LAMA3: variants seen among roughly 807,000 people sequenced by gnomAD.
LAMA3 encodes the protein laminin subunit alpha 3, also known as laminin subunit alpha-3.
A neutral mutation model predicts 402.0 loss-of-function variants in LAMA3; 281 were observed. That is an observed-to-expected ratio of 0.70 (90% CI 0.63 to 0.77). The LOEUF is 0.77. Ranked by LOEUF, LAMA3 falls within the 30% of genes least tolerant of loss-of-function variation. LAMA3 has a pLI of 0.00. For synonymous variants in LAMA3, 1,431 were observed against 1,558.4 expected (o/e 0.92, Z 1.93); for missense variants, 3,840 against 4,215.5 (o/e 0.91, Z 2.47).
chr18:23,877,317 A>C (rs140499102), intron 39 of LAMA3, among the ~76,000 whole-genome samples: 483 of 152,330 alleles, frequency 3.2e-3, no homozygotes, highest in Non-Finnish European at 5.5e-3. Context: ...ACCTAAAATT[A>C]GTTTCTTAGG....
At position 23,904,095 on chromosome 18, in the gene LAMA3, CA is replaced by C. The variant is rs768466906; in HGVS notation, c.6473+9del. 2 of 1,613,174 alleles carry C rather than the reference CA, an allele frequency of 1.2e-6. No homozygotes were observed. Among genetic ancestry groups the C allele is most frequent in the African/African-American group, 2.7e-5 (2 of 75,038 alleles). On this transcript the variant is annotated intron_variant, in intron 50 of 74. Transcript: ENST00000313654. ...GGCAAAGCAGCTGGAAGAGTGAGTG[CA>C]TGGCCCAGGAGACCAGAAGGGCACG...
In LAMA3 at chr18:23,954,486, T is replaced by G; in HGVS notation, c.9857-17T>G. 6.2e-7 allele frequency: 1 copy of G among 1,610,258 alleles called. No homozygotes were observed. The highest frequency in any genetic ancestry group is 8.5e-7 in the Non-Finnish European group (1 of 1,177,262). On this transcript the variant is annotated splice_polypyrimidine_tract_variant and intron_variant, in intron 74 of 74. Coordinates refer to ENST00000313654, the MANE Select transcript of LAMA3 (RefSeq NM_198129.4). ...GTATGAATTATTTACTGAATGCCTC[T>G]CCACTTTCTCTTTCAGCCAATTTGA... is the stretch of plus-strand genomic sequence containing the variant.
In LAMA3 at chr18:23,698,639, T is replaced by A. The variant is rs149508617; in HGVS notation, c.294+8662T>A. 3.4e-3 allele frequency among the ~76,000 whole-genome samples: 516 copies of A among 152,350 alleles called. 3 individuals carry two copies. The highest frequency in any genetic ancestry group is 0.012 in the African/African-American group (492 of 41,586). ...TCAACAGAGGCTGGAAGACTGACTT[T>A]TGAGGTGATTCTTAAAGTAGATTCC... is the stretch of plus-strand genomic sequence containing the variant. On this transcript the variant is annotated intron_variant, in intron 1 of 74. Coordinates refer to ENST00000313654, the MANE Select transcript of LAMA3 (RefSeq NM_198129.4).
intron 40 of LAMA3, among the ~76,000 whole-genome samples, chr18:23,882,811 T>G (rs1316591673): frequency 6.6e-6 from 1 of 152,120 alleles, no homozygotes; most frequent in East Asian, 1.9e-4. Context: ...CCTGTTCTCC[T>G]GGGGCTTGAC....
chr18:23,875,662 A>G (rs886137914), intron 38 of LAMA3, among the ~76,000 whole-genome samples: 2 of 152,128 alleles, frequency 1.3e-5, no homozygotes, highest in East Asian at 3.8e-4. Flanking sequence ...CCCACAACCC[A>G]CTACTCCTAC....
chr18:23,950,786 G>A (rs77792807), intron 72 of LAMA3, among the ~76,000 whole-genome samples: 1,858 of 152,254 alleles, frequency 0.012, 42 homozygotes, highest in African/African-American at 0.043. Context: ...AAAATTCCTA[G>A]AATACTTTCT....
At chr18:23,753,197 GA>G (rs1232669294) in intron 5 of LAMA3, among the ~76,000 whole-genome samples, 1 of 152,172 alleles carries the variant, frequency 6.6e-6, no homozygotes, top group Non-Finnish European at 1.5e-5. Context: ...CCTGTGCTAG[GA>G]AGTCTTCAGC....
intron 32 of LAMA3, among the ~76,000 whole-genome samples, chr18:23,848,129 A>G (rs1382236619): frequency 6.6e-6 from 1 of 152,164 alleles, no homozygotes; most frequent in Non-Finnish European, 1.5e-5. Context: ...CAGAGTCTGA[A>G]ATCCCACCTA....
At chr18:23,829,973 A>C (rs2063461324) in intron 23 of LAMA3, among the ~76,000 whole-genome samples, 1 of 152,216 alleles carries the variant, frequency 6.6e-6, no homozygotes, top group Non-Finnish European at 1.5e-5. Flanking sequence ...GTCTTCAAAA[A>C]ATGTGCCTCG....
In LAMA3 at chr18:23,908,907, A is replaced by C. The variant is rs77358044; in HGVS notation, c.7016-246A>C. Among the ~76,000 whole-genome samples the C allele has an allele frequency of 6.9e-3, 1,051 of 152,328 alleles. 18 individuals are homozygous for C. The highest frequency in any genetic ancestry group is 0.024 in the African/African-American group (998 of 41,578). ...CCAAACAGCACCCAATTCAAAACTT[A>C]TGAATTGCTTATTTCTGGAATTTTT... is the stretch of plus-strand genomic sequence containing the variant. On this transcript the variant is annotated intron_variant, in intron 54 of 74. Coordinates refer to ENST00000313654, the MANE Select transcript of LAMA3 (RefSeq NM_198129.4).
rs1257689793 is a variant in LAMA3 at position 23,904,065 on chromosome 18, G to C, written c.6451G>C (p.Glu2151Gln). The C allele has an allele frequency of 2.5e-6, 4 of 1,613,768 alleles. No individual in the cohort carries two copies. Among genetic ancestry groups the C allele is most frequent in the Non-Finnish European group, 3.4e-6 (4 of 1,180,050 alleles). ...AGAAAAGCACGCGCGGTCCTTACAA[G>C]AGCTGGCAAAGCAGCTGGAAGAGTG... is the stretch of plus-strand genomic sequence containing the variant. Reference protein sequence around the residue: ...EAEKHARSLQELAKQLEEIKR... With the variant: ...EAEKHARSLQQLAKQLEEIKR... The change falls in exon 50 of 75, where the codon GAG becomes CAG. Residue 2151 changes from glutamate to glutamine, a missense_variant. Around this residue, in one of 3 missense-constraint regions of LAMA3, gnomAD observed 891 missense variants for 857.5 expected, o/e 1.04. Transcript: ENST00000313654.
chr18:23,890,913 A>T (rs61332927), intron 42 of LAMA3, among the ~76,000 whole-genome samples: 84 of 152,364 alleles, frequency 5.5e-4, no homozygotes, highest in African/African-American at 1.9e-3. Context: ...ATGGAAATAT[A>T]GAAAGCATGC....
chr18:23,857,085 C>A (rs967884991), intron 32 of LAMA3, among the ~76,000 whole-genome samples: 4 of 152,218 alleles, frequency 2.6e-5, no homozygotes, highest in Non-Finnish European at 5.9e-5. Context: ...GGGTTCCCAG[C>A]AATCCCAGGA....
intron 48 of LAMA3, among the ~76,000 whole-genome samples, chr18:23,902,316 CA>C (rs2081099252): frequency 6.6e-6 from 1 of 151,686 alleles, no homozygotes; most frequent in African/African-American, 2.4e-5. Context: ...GCCTAGGCAA[CA>C]GAATGAGACC....
At chr18:23,820,134 C>A in intron 19 of LAMA3, 137 bp downstream of exon 19, 1 of 900,532 alleles carries the variant, frequency 1.1e-6, no homozygotes, top group Non-Finnish European at 1.8e-6. Context: ...TATGGGTTGG[C>A]ATTGGAGTTT....
At chr18:23,731,438 G>T (rs1293249547) in intron 2 of LAMA3, among the ~76,000 whole-genome samples, 1 of 152,186 alleles carries the variant, frequency 6.6e-6, no homozygotes, top group Non-Finnish European at 1.5e-5. Flanking sequence ...GGGGACTAAA[G>T]TGTGCTCTAC....
Position 23,899,065 on chromosome 18 carries a change from A to C in LAMA3, c.5836A>C (p.Ile1946Leu), listed in dbSNP as rs777930639. The change falls in exon 46 of 75, where the codon ATT becomes CTT. Residue 1946 changes from isoleucine to leucine, a missense_variant and splice_region_variant. By Grantham distance (5) the Ile-to-Leu change is conservative. Around this residue, in one of 3 missense-constraint regions of LAMA3, gnomAD observed 891 missense variants for 857.5 expected, o/e 1.04. Transcript: ENST00000313654. ...KIKNVIRNVH[I>L]LLKQISGTDG... Reference sequence around the variant, plus strand: ...TAAAAATGTCATCCGGAATGTGCACAGTAAGAAGAGTTATTAAGCCCAATT... The same window carrying C: ...TAAAAATGTCATCCGGAATGTGCACCGTAAGAAGAGTTATTAAGCCCAATT... The C allele has an allele frequency of 3.7e-6, 6 of 1,608,668 alleles. No homozygotes were observed. The South Asian group carries it at 6.6e-5, about 18-fold the overall frequency.
chr18:23,828,048 A>G (rs189309588), intron 23 of LAMA3, among the ~76,000 whole-genome samples: 22 of 152,312 alleles, frequency 1.4e-4, no homozygotes, highest in Non-Finnish European at 3.2e-4. Flanking sequence ...CTGATTTCAG[A>G]TTCGAGTTAG....
intron 2 of LAMA3, among the ~76,000 whole-genome samples, chr18:23,714,896 A>G (rs879402427): frequency 6.6e-6 from 1 of 152,194 alleles, no homozygotes; most frequent in Non-Finnish European, 1.5e-5. Context: ...AACTCTAGGA[A>G]GCTCATATAA....
Sources: allele counts gnomAD v4.1 joint callset (sites outside exome capture counted in the v4.1 genomes callset), GRCh38; gene constraint gnomAD v4.1.1; regional missense constraint gnomAD v4.1.1; transcripts MANE v1.5; gene names NCBI Gene and HGNC (gene_info 2026-07-23, HGNC 2026-07-21).